MORN1: variants seen among roughly 807,000 people sequenced by gnomAD.
MORN1 encodes MORN repeat-containing protein 1.
In MORN1, 67 loss-of-function variants were observed where a neutral mutation model predicts 61.9. The observed-to-expected ratio is 1.08, with a 90% CI of 0.89 to 1.33. MORN1 has a LOEUF of 1.33. Ranked by LOEUF, MORN1 falls within the 40% of genes most tolerant of loss-of-function variation. The pLI, the probability that MORN1 is intolerant of heterozygous loss-of-function variation, is 0.00. For synonymous variants in MORN1, 301 were observed against 292.0 expected, an observed-to-expected ratio of 1.03 and a Z score of -0.31; for missense variants, 752 against 691.2, an observed-to-expected ratio of 1.09 and a Z score of -0.99.
At chr1:2,322,690 C>A in intron 13 of MORN1, 1 of 985,466 alleles carries the variant, frequency 1.0e-6, no homozygotes, top group Non-Finnish European at 1.2e-6. Flanking sequence ...CATGGCAACG[C>A]CACAGTGTTT....
chr1:2,326,963 G>A (rs975608839), intron 12 of MORN1, among the ~76,000 whole-genome samples: 5 of 152,214 alleles, frequency 3.3e-5, no homozygotes, highest in South Asian at 2.1e-4. Flanking sequence ...CCCCACAGAC[G>A]CGCGCTGTGG....
chr1:2,324,062 A>G (rs1190002977), intron 13 of MORN1, 35 bp downstream of exon 13: 4 of 1,576,914 alleles, frequency 2.5e-6, no homozygotes, highest in Non-Finnish European at 3.4e-6. Flanking sequence ...AGACAGTGGC[A>G]CAGCCGGCGA....
At chr1:2,348,807 G>A (rs1041897366) in intron 10 of MORN1, among the ~76,000 whole-genome samples, 3 of 148,378 alleles carry the variant, frequency 2.0e-5, no homozygotes, top group Non-Finnish European at 2.9e-5. Context: ...GCACTCCTGC[G>A]CGGGCACGCA....
intron 8 of MORN1, among the ~76,000 whole-genome samples, chr1:2,361,482 T>A (rs552670813): frequency 6.6e-6 from 1 of 151,646 alleles, no homozygotes; most frequent in African/African-American, 2.4e-5. Context: ...CATTTGAACC[T>A]GGGAGGTGGA....
intron 4 of MORN1, 187 bp from the exon 5 acceptor site, chr1:2,386,084 C>A (rs969948365): frequency 5.1e-6 from 3 of 592,542 alleles, no homozygotes; most frequent in Non-Finnish European, 9.1e-6. Context: ...CAGCACGGCT[C>A]GGTGAGGCTC....
intron 6 of MORN1, chr1:2,378,990 G>A (rs115331231): frequency 3.2e-5 from 15 of 470,470 alleles, no homozygotes; most frequent in South Asian, 4.6e-5. Context: ...GCTGTAACAC[G>A]TTTATTTTCA....
At chr1:2,352,524 C>G (rs1462463554) in intron 10 of MORN1, 1 of 152,438 alleles carries the variant, frequency 6.6e-6, no homozygotes, top group African/African-American at 2.4e-5. Context: ...GTTGGGGAAG[C>G]CTGTGCCACG....
chr1:2,322,571 G>C, intron 13 of MORN1: 1 of 985,194 alleles, frequency 1.0e-6, no homozygotes, highest in Non-Finnish European at 1.2e-6. Context: ...AAAAAAACAC[G>C]GTTCTGGGGG....
rs941903381 is a variant in MORN1, at chr1:2,337,815, C to T, written c.1037-965G>A. Among the ~76,000 whole-genome samples the T allele has an allele frequency of 3.9e-5, 6 of 152,062 alleles. No homozygotes were observed. Among genetic ancestry groups the T allele is most frequent in the Admixed American group, 3.3e-4 (5 of 15,264 alleles). ...CCAGAGCTGGCTGGACAGGGGAGTT[C>T]TGAGAGGGAGGCAGGGGCTGGGGCG... is the stretch of plus-strand genomic sequence containing the variant. On this transcript the variant is annotated intron_variant, in intron 10 of 13. Transcript: ENST00000378531. The surrounding 1 kb of genome is among the most constrained non-coding windows in gnomAD (Gnocchi z 5.7).
chr1:2,370,646 G>A (rs1256939264), intron 8 of MORN1, among the ~76,000 whole-genome samples: 1 of 151,156 alleles, frequency 6.6e-6, no homozygotes, highest in Non-Finnish European at 1.5e-5. Context: ...AAAATAAGAA[G>A]ACAACCTTTT....
chr1:2,390,478 G>T (rs1028308022), intron 1 of MORN1: 61 of 985,268 alleles, frequency 6.2e-5, no homozygotes, highest in Non-Finnish European at 6.9e-5. Flanking sequence ...AGGATGGCCT[G>T]GCCGGCTTCA....
At position 2,385,016 on chromosome 1, in the gene MORN1, G is replaced by A. The variant is rs772097695; in HGVS notation, c.499C>T (p.His167Tyr). The A allele has an allele frequency of 8.1e-6, 13 of 1,598,366 alleles. No individual in the cohort carries two copies. The South Asian group carries it at 1.5e-4, about 18-fold the overall frequency. The change falls in exon 6 of 14, where the codon CAC becomes TAC. Residue 167 changes from histidine (H) to tyrosine (Y), a missense_variant. Transcript: ENST00000378531. ...CCGTCGGCGCAGCGCAGCACCCCGT[G>A]TCCCTGACGCCGGTCCCGGACCCAG... ...GDWVRDRRQG[H>Y]GVLRCADGST...
chr1:2,358,866 C>T, intron 8 of MORN1, 151 bp from the exon 9 acceptor site: 1 of 924,954 alleles, frequency 1.1e-6, no homozygotes, highest in Middle Eastern at 3.4e-4. Flanking sequence ...AGGACCCCGG[C>T]TTGCCCTCCG....
At chr1:2,374,703 G>T in intron 6 of MORN1, 146 bp from the exon 7 acceptor site, 1 of 631,902 alleles carries the variant, frequency 1.6e-6, no homozygotes, top group Non-Finnish European at 2.8e-6. Flanking sequence ...GGTCCTTGCA[G>T]CCTGTCCCTC....
rs1207644892 is a variant in MORN1, at chr1:2,331,835, C to A, written c.1250+4634G>T. Among the ~76,000 whole-genome samples, 4 of 143,098 alleles carry A rather than the reference C, an allele frequency of 2.8e-5. No homozygotes were observed. The East Asian group carries it at 8.3e-4, about 30-fold the overall frequency. The allele number at this position is 143,098 out of a possible 152,430, so 93.9% of individuals were successfully genotyped here. On this transcript the variant is annotated intron_variant, in intron 12 of 13. Coordinates refer to ENST00000378531, the MANE Select transcript of MORN1 (RefSeq NM_024848.3). Reference sequence around the variant, plus strand: ...CGCCTCTCCCGCCGCTGCGCCTCTCCCTCGTGCGGCTCTCCCGCCCCTGCG... The same window carrying A: ...CGCCTCTCCCGCCGCTGCGCCTCTCACTCGTGCGGCTCTCCCGCCCCTGCG...
rs565184266 is a variant in MORN1 at position 2,372,179 on chromosome 1, C to T, written c.745+302G>A. The T allele has an allele frequency of 4.3e-4, 129 of 299,432 alleles. 1 individual carries two copies. The highest frequency in any genetic ancestry group is 2.7e-3 in the African/African-American group (126 of 46,138). 18.5% of individuals were successfully genotyped at this position (299,432 alleles called of 1,614,324 possible). The stretch of plus-strand genomic sequence containing the variant: ...TCTGACACACGTGCACGCGTGCCCC[C>T]CCACACGTATACACATTCAGACCTG... On this transcript the variant is annotated intron_variant, in intron 8 of 13. Transcript: ENST00000378531. The surrounding 1 kb of genome is among the most constrained non-coding windows in gnomAD (Gnocchi z 5.4).
intron 12 of MORN1, among the ~76,000 whole-genome samples, chr1:2,329,123 G>T (rs944232477): frequency 6.6e-6 from 1 of 152,168 alleles, no homozygotes; most frequent in Non-Finnish European, 1.5e-5. Flanking sequence ...GTTTGGGGGA[G>T]CCTGTTCACC....
intron 1 of MORN1, 129 bp downstream of exon 1, chr1:2,391,329 T>G: frequency 3.6e-6 from 4 of 1,109,878 alleles, no homozygotes; most frequent in Non-Finnish European, 4.6e-6. Context: ...GGGGCGGCCC[T>G]GGCTCCGCCG....
intron 10 of MORN1, among the ~76,000 whole-genome samples, chr1:2,347,965 T>G (rs1641551674): frequency 6.6e-6 from 1 of 152,212 alleles, no homozygotes; most frequent in South Asian, 2.1e-4. Flanking sequence ...CGGGAAGTTT[T>G]TCGCCTCACG....
Sources: gnomAD v4.1 joint callset for allele counts (sites outside exome capture counted in the v4.1 genomes callset) on GRCh38, gnomAD v4.1.1 for gene constraint, Gnocchi (gnomAD v3.1) non-coding constraint, MANE v1.5 for transcripts, NCBI Gene and HGNC (gene_info 2026-07-23, HGNC 2026-07-21) for gene names.